Variants in CLVS1 observed in about 807,000 individuals in gnomAD.
CLVS1 encodes the protein clavesin 1.
Under a neutral mutation model 33.1 loss-of-function variants are expected in CLVS1, and 10 were observed. The ratio of observed to expected loss-of-function variants is 0.30; its 90% CI spans 0.19 to 0.51. CLVS1 has a LOEUF of 0.51. Ranked by LOEUF, CLVS1 falls within the 20% of genes least tolerant of loss-of-function variation. The probability of loss-of-function intolerance (pLI) is 0.97; values close to 1 mark genes in which losing one functional copy is unlikely to be tolerated. For missense variants in CLVS1, 343 were observed against 433.4 expected (o/e 0.79, Z 1.85); for synonymous variants, 163 against 166.1 (o/e 0.98, Z 0.14).
At position 61,204,949 on chromosome 8, in the gene CLVS1, T is replaced by C. The variant is rs2129305885; in HGVS notation, c.-152+73089T>C. 1.3e-5 allele frequency among the ~76,000 whole-genome samples: 2 copies of C among 152,292 alleles called. 1 individual carries two copies. The highest frequency in any genetic ancestry group is 3.9e-4 in the East Asian group (2 of 5,190). On this transcript the variant is annotated intron_variant, in intron 2 of 2. Coordinates refer to the CLVS1 transcript ENST00000522621. Reference sequence around the variant, plus strand: ...AATCTGTTGTTTAAGCCATTAGAAATGGTTGAACTTTTCATAAAGAATCAT... The same window carrying C: ...AATCTGTTGTTTAAGCCATTAGAAACGGTTGAACTTTTCATAAAGAATCAT...
intron 5 of CLVS1, among the ~76,000 whole-genome samples, chr8:61,481,886 G>C (rs760235174): frequency 6.6e-6 from 1 of 152,212 alleles, no homozygotes; most frequent in Non-Finnish European, 1.5e-5. Context: ...TCTGAGAGTG[G>C]ACAGTCTGCC....
chr8:61,289,222 A>G (rs1809886199), intron 1 of CLVS1, among the ~76,000 whole-genome samples: 1 of 152,238 alleles, frequency 6.6e-6, no homozygotes. Context: ...CTATAATAGT[A>G]AAGGGTAATA....
chr8:61,367,407 T>C (rs1321473306), intron 2 of CLVS1, among the ~76,000 whole-genome samples: 1 of 152,228 alleles, frequency 6.6e-6, no homozygotes, highest in African/African-American at 2.4e-5. Context: ...TTTATGTGGC[T>C]CCTTCTGCCC....
chr8:60,988,529 A>G, the CLVS1 span, among the ~76,000 whole-genome samples: 1 of 152,186 alleles, frequency 6.6e-6, no homozygotes, highest in African/African-American at 2.4e-5. Context: ...CTGAAAAAAA[A>G]AAGAGTTATG....
the CLVS1 span, among the ~76,000 whole-genome samples, chr8:60,987,615 A>C: frequency 6.6e-6 from 1 of 152,212 alleles, no homozygotes; most frequent in African/African-American, 2.4e-5. Context: ...CCATTTCCTC[A>C]TTTATGAAAA....
At chr8:61,304,724 A>G (rs1810558336) in intron 2 of CLVS1, among the ~76,000 whole-genome samples, 1 of 152,210 alleles carries the variant, frequency 6.6e-6, no homozygotes, top group African/African-American at 2.4e-5. Context: ...TCATAAGCCC[A>G]GTTTGCCATG....
intron 2 of CLVS1, among the ~76,000 whole-genome samples, chr8:61,248,129 G>A (rs2129315503): frequency 6.6e-6 from 1 of 152,210 alleles, no homozygotes; most frequent in Admixed American, 6.6e-5. Context: ...TTTCTATTCT[G>A]TTAAATTGGT....
chr8:61,110,169 C>A (rs1316018869), intron 1 of CLVS1, among the ~76,000 whole-genome samples: 1 of 152,168 alleles, frequency 6.6e-6, no homozygotes, highest in East Asian at 1.9e-4. Context: ...CCCCTCCCAC[C>A]ACCAGTGGGG....
chr8:61,047,408 A>G, the CLVS1 span, among the ~76,000 whole-genome samples: 1 of 152,226 alleles, frequency 6.6e-6, no homozygotes, highest in East Asian at 1.9e-4. Context: ...GCGATTCCTC[A>G]GGGATCTAAA....
chr8:61,013,314 G>C, the CLVS1 span, among the ~76,000 whole-genome samples: 1 of 152,182 alleles, frequency 6.6e-6, no homozygotes, highest in Non-Finnish European at 1.5e-5. Context: ...CCTCCATATA[G>C]AGCCTTCTTT....
At chr8:61,037,278 A>G in the CLVS1 span, among the ~76,000 whole-genome samples, 1 of 150,940 alleles carries the variant, frequency 6.6e-6, no homozygotes, top group South Asian at 2.1e-4. Flanking sequence ...TTAAACAACA[A>G]CTCCTCACTC....
intron 2 of CLVS1, among the ~76,000 whole-genome samples, chr8:61,177,178 A>G (rs1217503004): frequency 6.6e-6 from 1 of 152,180 alleles, no homozygotes; most frequent in Non-Finnish European, 1.5e-5. Context: ...CTTGGTCCCA[A>G]GAGGTATTCC....
chr8:61,267,796 T>C (rs1014946218), intron 2 of CLVS1, among the ~76,000 whole-genome samples: 14 of 152,254 alleles, frequency 9.2e-5, no homozygotes, highest in African/African-American at 3.1e-4. Context: ...AGCATGATTA[T>C]GTTTCAAAAC....
At chr8:61,398,323 A>T (rs1359186669) in intron 3 of CLVS1, among the ~76,000 whole-genome samples, 9 of 151,774 alleles carry the variant, frequency 5.9e-5, no homozygotes, top group Non-Finnish European at 1.2e-4. Context: ...CTGTAACCAC[A>T]GGTATGCACC....
At chr8:61,154,351 T>G (rs1385333457) in intron 2 of CLVS1, among the ~76,000 whole-genome samples, 3 of 152,090 alleles carry the variant, frequency 2.0e-5, no homozygotes, top group Non-Finnish European at 4.4e-5. Context: ...TCAAATGCAG[T>G]GGAGGTAACA....
intron 5 of CLVS1, among the ~76,000 whole-genome samples, chr8:61,463,315 T>C (rs1817435445): frequency 6.7e-6 from 1 of 149,930 alleles, no homozygotes; most frequent in South Asian, 2.2e-4. Flanking sequence ...ATATCAGCAA[T>C]AAGGTTGTTG....
chr8:60,966,465 A>G, the CLVS1 span: 4 of 442,102 alleles, frequency 9.0e-6, no homozygotes, highest in South Asian at 3.2e-5. Flanking sequence ...ATTCTGGAGA[A>G]CAAGGTAAAT....
intron 5 of CLVS1, among the ~76,000 whole-genome samples, chr8:61,466,972 G>A (rs959182772): frequency 4.6e-5 from 7 of 152,152 alleles, no homozygotes; most frequent in African/African-American, 1.7e-4. Context: ...TAAAAGGCAC[G>A]TGTGCACACA....
the CLVS1 span, among the ~76,000 whole-genome samples, chr8:60,994,354 A>G: frequency 6.6e-6 from 1 of 152,210 alleles, no homozygotes; most frequent in Non-Finnish European, 1.5e-5. Context: ...GGACTTCAAT[A>G]TATAAATTTG....
Sources: allele counts gnomAD v4.1 joint callset (sites outside exome capture counted in the v4.1 genomes callset), GRCh38; gene constraint gnomAD v4.1.1; transcripts MANE v1.5; gene names NCBI Gene and HGNC (gene_info 2026-07-23, HGNC 2026-07-21).